The following LRRK2 variants were observed in gnomAD, a reference collection of about 807,000 sequenced individuals.
The protein encoded by LRRK2 is leucine rich repeat kinase 2, also known as leucine-rich repeat serine/threonine-protein kinase 2.
A neutral mutation model predicts 302.6 loss-of-function variants in LRRK2; 203 were observed. The observed-to-expected ratio is 0.67, with a 90% CI of 0.60 to 0.75. The LOEUF (loss-of-function observed/expected upper bound fraction) is 0.75, where lower values mean the gene tolerates loss of function less well. LRRK2 is among the 30% of genes least tolerant of loss of function. The pLI is 0.00. For synonymous variants in LRRK2, 1,066 were observed against 1,031.9 expected (o/e 1.03, Z -0.63); for missense variants, 2,830 against 2,951.0 (o/e 0.96, Z 0.95).
At chr12:40,258,577 C>T (rs1363520345) in intron 12 of LRRK2, among the ~76,000 whole-genome samples, 4 of 152,110 alleles carry the variant, frequency 2.6e-5, no homozygotes, top group Non-Finnish European at 5.9e-5. Flanking sequence ...CTGGAGATTC[C>T]GCATTGGCTC....
intron 7 of LRRK2, among the ~76,000 whole-genome samples, chr12:40,246,883 G>C (rs1398420377): frequency 1.3e-5 from 2 of 152,200 alleles, no homozygotes; most frequent in African/African-American, 4.8e-5. Flanking sequence ...AACTCCCTCT[G>C]CCCCTCAACA....
chr12:40,244,789 C>T (rs146433456), intron 7 of LRRK2, among the ~76,000 whole-genome samples: 158 of 150,222 alleles, frequency 1.1e-3, no homozygotes, highest in African/African-American at 3.6e-3. Context: ...TGCTAGATGA[C>T]GAGTTAGTGG....
At chr12:40,241,018 CT>C (rs1941696224) in intron 6 of LRRK2, among the ~76,000 whole-genome samples, 1 of 152,140 alleles carries the variant, frequency 6.6e-6, no homozygotes, top group Non-Finnish European at 1.5e-5. Context: ...AAGGTGTGAC[CT>C]GAAGTGAGAA....
At chr12:40,326,978 A>C (rs1945572013) in intron 38 of LRRK2, among the ~76,000 whole-genome samples, 1 of 152,236 alleles carries the variant, frequency 6.6e-6, no homozygotes, top group Non-Finnish European at 1.5e-5. Flanking sequence ...TAGACATATA[A>C]AAAATAAATA....
intron 19 of LRRK2, chr12:40,286,664 C>G (rs1000638026): frequency 6.6e-6 from 1 of 152,414 alleles, no homozygotes; most frequent in Admixed American, 6.5e-5. Context: ...CATGATACAG[C>G]AGTATCATGT....
chr12:40,300,108 T>C (rs1449542468), intron 25 of LRRK2, among the ~76,000 whole-genome samples: 5 of 152,186 alleles, frequency 3.3e-5, no homozygotes, highest in African/African-American at 1.2e-4. Flanking sequence ...TCAGCAACTT[T>C]TTGTATGATA....
At position 40,259,608 on chromosome 12, in the gene LRRK2, A is replaced by G; in HGVS notation, c.1543+4A>G. The G allele has an allele frequency of 1.2e-6, 2 of 1,612,906 alleles. No individual in the cohort carries two copies. The highest frequency in any genetic ancestry group is 1.7e-6 in the Non-Finnish European group (2 of 1,179,110). On this transcript the variant is annotated splice_donor_region_variant and intron_variant, in intron 13 of 50. Transcript: ENST00000298910. ...ATTTTACATTTTATAGTGCCTGGTA[A>G]GTTACATAGTTGATTGTGGGAAGAG...
At chr12:40,252,745 C>G (rs1055187809) in intron 10 of LRRK2, among the ~76,000 whole-genome samples, 165 bp from the exon 11 acceptor site, 1 of 151,996 alleles carries the variant, frequency 6.6e-6, no homozygotes, top group Admixed American at 6.6e-5. Context: ...TTAATTAATT[C>G]GAGTCTTAAA....
rs1946960042 is a variant in LRRK2 at position 40,369,021 on chromosome 12, G to A, written c.*1256G>A. 1 of 151,552 alleles carries A rather than the reference G, an allele frequency of 6.6e-6. No individual in the cohort carries two copies. Among genetic ancestry groups the A allele is most frequent in the African/African-American group, 2.4e-5 (1 of 41,286 alleles). The allele number at this position is 151,552 out of a possible 1,614,324, so 9.4% of individuals were successfully genotyped here. A position where few individuals can be genotyped will look rare whatever the true frequency, so the allele number is the denominator to read the frequency against. Reference sequence around the variant, plus strand: ...TACATTTAATATTCTCAGAACTTATGGCATTTTACTATGTGAAAACTTTAA... The same window carrying A: ...TACATTTAATATTCTCAGAACTTATAGCATTTTACTATGTGAAAACTTTAA... On this transcript the variant is annotated 3_prime_UTR_variant, in exon 51 of 51. Transcript: ENST00000298910.
rs11564154 is a variant in LRRK2, at chr12:40,235,834, T to A, written c.436+120T>A. On this transcript the variant is annotated intron_variant, in intron 4 of 50. Coordinates refer to ENST00000298910, the MANE Select transcript of LRRK2 (RefSeq NM_198578.4). ...TTTTGAAGATCAGGATTAGGGTAGC[T>A]TGATTTAAATGTCCTAAAATTGCAT... 3.9e-3 allele frequency: 2,541 copies of A among 650,012 alleles called. 47 individuals are homozygous for A. The highest frequency in any genetic ancestry group is 0.036 in the African/African-American group (1,873 of 52,588). The allele number at this position is 650,012 out of a possible 1,614,324, so 40.3% of individuals were successfully genotyped here. A position where few individuals can be genotyped will look rare whatever the true frequency, so the allele number is the denominator to read the frequency against.
chr12:40,308,967 CT>C, intron 29 of LRRK2, 138 bp from the exon 30 acceptor site: 1 of 1,043,738 alleles, frequency 9.6e-7, no homozygotes. Flanking sequence ...CAGAATAGTT[CT>C]CTAAACATGG....
intron 34 of LRRK2, 52 bp downstream of exon 34, chr12:40,320,227 C>A (rs1168697173): frequency 2.1e-6 from 3 of 1,428,564 alleles, no homozygotes; most frequent in South Asian, 1.2e-5. Flanking sequence ...ACTATCTATT[C>A]TTTTAATTGT....
intron 43 of LRRK2, among the ~76,000 whole-genome samples, chr12:40,350,921 T>C (rs1347261266): frequency 2.0e-5 from 3 of 152,184 alleles, no homozygotes; most frequent in Non-Finnish European, 4.4e-5. Flanking sequence ...ATATAACATA[T>C]ACTAGGCAAG....
rs1371890572 is a variant in LRRK2 at position 40,293,681 on chromosome 12, A to G, written c.2808+18A>G. On this transcript the variant is annotated intron_variant, in intron 21 of 50. Transcript: ENST00000298910. Reference sequence around the variant, plus strand: ...ATTCCTTGGTAAGTTAAATTGTGCAATTGTGATTATGTTGTGTTTTGCTGC... The same window carrying G: ...ATTCCTTGGTAAGTTAAATTGTGCAGTTGTGATTATGTTGTGTTTTGCTGC... 2 of 1,499,512 alleles carry G rather than the reference A, an allele frequency of 1.3e-6. No individual in the cohort carries two copies. Among genetic ancestry groups the G allele is most frequent in the East Asian group, 2.3e-5 (1 of 44,160 alleles). 92.9% of individuals were successfully genotyped at this position (1,499,512 alleles called of 1,614,324 possible).
intron 41 of LRRK2, among the ~76,000 whole-genome samples, chr12:40,343,542 T>C (rs531656130): frequency 6.6e-6 from 1 of 152,346 alleles, no homozygotes; most frequent in African/African-American, 2.4e-5. Flanking sequence ...CAATGTGATA[T>C]GTACTCAGAC....
intron 23 of LRRK2, among the ~76,000 whole-genome samples, chr12:40,297,773 G>A (rs17491047): frequency 0.015 from 2,327 of 151,970 alleles, 60 homozygotes; most frequent in African/African-American, 0.054. Context: ...AAAAAGTTTC[G>A]TAAAAAACAG....
At position 40,314,133 on chromosome 12, in the gene LRRK2, A is replaced by G. The variant is rs781095086; in HGVS notation, c.4698A>G (p.Glu1566=). The G allele has an allele frequency of 6.2e-7, 1 of 1,612,690 alleles. No homozygotes were observed. The highest frequency in any genetic ancestry group is 1.7e-5 in the Admixed American group (1 of 59,900). Residue 1566 remains glutamate (E), a synonymous_variant, in exon 32 of 51, where the codon GAA becomes GAG. Transcript: ENST00000298910. Reference sequence around the variant, plus strand: ...GAGAAAATCAGCTGCAGTTAGATGAAAATGAGCTTCCTCACGCAGTTCACT... The same window carrying G: ...GAGAAAATCAGCTGCAGTTAGATGAGAATGAGCTTCCTCACGCAGTTCACT... ...LVRENQLQLD[E]NELPHAVHFL...
chr12:40,333,691 G>T (rs565616666), intron 39 of LRRK2, among the ~76,000 whole-genome samples: 1 of 150,696 alleles, frequency 6.6e-6, no homozygotes, highest in South Asian at 2.2e-4. Context: ...TTTTTGAATT[G>T]CAGAGAGATT....
chr12:40,298,428 G>C lies in LRRK2; in HGVS notation c.3282G>C (p.Gln1094His), dbSNP rs1944464881. 1 of 1,613,900 alleles carries C rather than the reference G, an allele frequency of 6.2e-7. No individual in the cohort carries two copies. Among genetic ancestry groups the C allele is most frequent in the Non-Finnish European group, 8.5e-7 (1 of 1,179,944 alleles). ...TLKQFNLSYN[Q>H]LSFVPENLTD... ...AACAGTTTAACCTGTCATATAACCAGCTGTCTTTTGTACCTGAGAACCTCA... is the reference window on the plus strand; with the variant it reads ...AACAGTTTAACCTGTCATATAACCACCTGTCTTTTGTACCTGAGAACCTCA... Residue 1094 changes from glutamine (Q) to histidine (H), a missense_variant, in exon 24 of 51, where the codon CAG (glutamine) becomes CAC (histidine). Coordinates refer to ENST00000298910, the MANE Select transcript of LRRK2 (RefSeq NM_198578.4).
Sources: gnomAD v4.1 joint callset for allele counts (sites outside exome capture counted in the v4.1 genomes callset) on GRCh38, gnomAD v4.1.1 for gene constraint, MANE v1.5 for transcripts, NCBI Gene and HGNC (gene_info 2026-07-23, HGNC 2026-07-21) for gene names.